CASK: variants seen among roughly 807,000 people sequenced by gnomAD.
CASK encodes the protein calcium/calmodulin dependent serine protein kinase.
A neutral mutation model predicts 82.9 loss-of-function variants in CASK; 4 were observed. That is an observed-to-expected ratio of 0.05 (90% CI 0.02 to 0.11). The LOEUF (loss-of-function observed/expected upper bound fraction) is 0.11, where lower values mean the gene tolerates loss of function less well. CASK is among the 10% of genes least tolerant of loss of function. The pLI is 1.00. For synonymous variants in CASK, 259 were observed against 253.5 expected (o/e 1.02, Z -0.20); for missense variants, 358 against 720.9 (o/e 0.50, Z 5.76).
chrX:41,781,185 C>T (rs2069467508), intron 3 of CASK, among the ~76,000 whole-genome samples: 1 of 112,670 alleles, frequency 8.9e-6, no homozygotes, highest in Non-Finnish European at 1.9e-5. Flanking sequence ...GATCCTCCTG[C>T]CTTGGCCTCC....
intron 3 of CASK, among the ~76,000 whole-genome samples, chrX:41,768,433 T>C (rs2069154587): frequency 1.8e-5 from 2 of 111,140 alleles, no homozygotes; most frequent in South Asian, 7.5e-4. Context: ...TATCTGTACA[T>C]GTATATGTGT....
chrX:41,860,898 CT>C (rs1182055237), intron 1 of CASK, among the ~76,000 whole-genome samples: 4 of 112,392 alleles, frequency 3.6e-5, no homozygotes, highest in Non-Finnish European at 7.5e-5. Flanking sequence ...CAGATCATTC[CT>C]TGAAAATAGA....
At chrX:41,701,153 A>G (rs1040292243) in intron 5 of CASK, among the ~76,000 whole-genome samples, 1 of 110,477 alleles carries the variant, frequency 9.1e-6, no homozygotes, top group South Asian at 3.8e-4. Flanking sequence ...TAAAAGGCCA[A>G]TTTACAGCCT....
intron 2 of CASK, among the ~76,000 whole-genome samples, chrX:41,840,641 A>T (rs1426851008): frequency 2.7e-5 from 3 of 112,194 alleles, no homozygotes; most frequent in Non-Finnish European, 5.6e-5. Context: ...GAACAGGAAC[A>T]TCCTGGCCTC....
At chrX:41,880,773 A>G (rs1050076306) in intron 1 of CASK, among the ~76,000 whole-genome samples, 6 of 111,759 alleles carry the variant, frequency 5.4e-5, no homozygotes, top group African/African-American at 1.9e-4. Flanking sequence ...TTTTAAAACT[A>G]TAAGATATCT....
rs1324506279 is a variant in CASK at position 41,609,789 on chromosome X, C to T, written c.1155+115G>A. 1.9e-5 allele frequency: 14 copies of T among 746,155 alleles called. No individual in the cohort carries two copies. In the South Asian group the frequency reaches 2.0e-4, roughly 11 times the overall value. The allele number at this position is 746,155 out of a possible 1,213,427, so 61.5% of individuals were successfully genotyped here. ...GGCCAGGATGGTCTCAGTCTCCTGACCTCCTGATACGCCCGCCTCTGCCTC... is the reference window on the plus strand; with the variant it reads ...GGCCAGGATGGTCTCAGTCTCCTGATCTCCTGATACGCCCGCCTCTGCCTC... On this transcript the variant is annotated intron_variant, in intron 12 of 26. Coordinates refer to ENST00000378163, the MANE Select transcript of CASK (RefSeq NM_001367721.1).
At chrX:41,842,936 G>A (rs915617624) in intron 2 of CASK, among the ~76,000 whole-genome samples, 2 of 111,588 alleles carry the variant, frequency 1.8e-5, no homozygotes, top group African/African-American at 6.5e-5. Flanking sequence ...TGTGGTAAAT[G>A]GAATTGCTTT....
intron 1 of CASK, among the ~76,000 whole-genome samples, chrX:41,912,604 G>A (rs753777622): frequency 1.5e-3 from 161 of 106,376 alleles, no homozygotes; most frequent in African/African-American, 5.4e-3. Flanking sequence ...CACTGCACCC[G>A]GCCTGGACAG....
At chrX:41,598,095 C>T (rs2065845179) in intron 12 of CASK, among the ~76,000 whole-genome samples, 1 of 108,588 alleles carries the variant, frequency 9.2e-6, no homozygotes, top group Non-Finnish European at 1.9e-5. Context: ...GCTATGATTG[C>T]ATGACCGCAC....
At chrX:41,830,672 T>C (rs940666938) in intron 2 of CASK, among the ~76,000 whole-genome samples, 2 of 107,289 alleles carry the variant, frequency 1.9e-5, no homozygotes, top group South Asian at 4.3e-4. Flanking sequence ...TACAAAAAAT[T>C]AGCCGGGCGT....
intron 2 of CASK, among the ~76,000 whole-genome samples, chrX:41,833,630 G>C (rs1271028210): frequency 8.9e-6 from 1 of 111,815 alleles, no homozygotes; most frequent in Non-Finnish European, 1.9e-5. Flanking sequence ...GTGTTTTATG[G>C]TGTGTGAATT....
intron 5 of CASK, among the ~76,000 whole-genome samples, chrX:41,701,792 T>C (rs1204726877): frequency 8.9e-6 from 1 of 112,393 alleles, no homozygotes; most frequent in Non-Finnish European, 1.9e-5. Context: ...CAAAGTAACA[T>C]TTGTTTATTT....
chrX:41,695,632 C>A (rs371078291), intron 5 of CASK: 37 of 1,172,129 alleles, frequency 3.2e-5, no homozygotes, highest in Middle Eastern at 2.4e-4. Context: ...CCACAGAAGA[C>A]AATGAGAAGT....
intron 5 of CASK, among the ~76,000 whole-genome samples, chrX:41,715,425 C>T (rs1478035130): frequency 9.0e-6 from 1 of 110,847 alleles, no homozygotes; most frequent in African/African-American, 3.3e-5. Context: ...TTTGAGACCA[C>T]CCTGGCCGAC....
At chrX:41,911,288 A>G (rs1004626047) in intron 1 of CASK, among the ~76,000 whole-genome samples, 2 of 112,185 alleles carry the variant, frequency 1.8e-5, no homozygotes, top group African/African-American at 6.5e-5. Context: ...GGAAGTCAGC[A>G]AAAATTTCTA....
intron 8 of CASK, among the ~76,000 whole-genome samples, chrX:41,654,033 G>A (rs1438122409): frequency 8.9e-6 from 1 of 112,012 alleles, no homozygotes. Context: ...CAGGTGAAGC[G>A]GCTCATTTGG....
chrX:41,714,412 T>C (rs2068028962), intron 5 of CASK, among the ~76,000 whole-genome samples: 1 of 112,071 alleles, frequency 8.9e-6, no homozygotes, highest in South Asian at 3.7e-4. Context: ...AGTGGTTGTA[T>C]CTCTTTCACT....
intron 5 of CASK, among the ~76,000 whole-genome samples, chrX:41,733,881 C>T (rs1160557435): frequency 8.9e-6 from 1 of 111,785 alleles, no homozygotes; most frequent in Admixed American, 9.5e-5. Flanking sequence ...ACATCAGTAA[C>T]GGAGAACAAG....
chrX:41,841,035 T>C (rs1410986852), intron 2 of CASK, among the ~76,000 whole-genome samples: 1 of 112,103 alleles, frequency 8.9e-6, no homozygotes, highest in Non-Finnish European at 1.9e-5. Flanking sequence ...TGTACATATG[T>C]TTTCAATGCT....
Sources: gnomAD v4.1 joint callset for allele counts (sites outside exome capture counted in the v4.1 genomes callset) on GRCh38, gnomAD v4.1.1 for gene constraint, MANE v1.5 for transcripts, NCBI Gene and HGNC (gene_info 2026-07-23, HGNC 2026-07-21) for gene names.